EPHB1: variants seen among roughly 807,000 people sequenced by gnomAD.
EPHB1 encodes the protein EPH receptor B1.
EPHB1 carries 30 observed loss-of-function variants against 94.4 expected under a neutral mutation model. The ratio of observed to expected loss-of-function variants is 0.32; its 90% confidence interval spans 0.24 to 0.43. EPHB1 has a LOEUF of 0.43. Ranked by LOEUF, EPHB1 falls within the 20% of genes least tolerant of loss-of-function variation. The probability of loss-of-function intolerance (pLI) is 1.00; values close to 1 mark genes in which losing one functional copy is unlikely to be tolerated. For missense variants in EPHB1, 1,055 were observed against 1,308.3 expected, an observed-to-expected ratio of 0.81 and a Z score of 2.99; for synonymous variants, 522 against 489.1, an observed-to-expected ratio of 1.07 and a Z score of -0.89.
intron 3 of EPHB1, among the ~76,000 whole-genome samples, chr3:135,022,036 G>A (rs1004601889): frequency 5.3e-5 from 8 of 152,186 alleles, no homozygotes; most frequent in Non-Finnish European, 8.8e-5. Flanking sequence ...CTGGAGTGCA[G>A]TGGCACGATC....
chr3:135,246,143 G>T (rs780882011), intron 13 of EPHB1, among the ~76,000 whole-genome samples: 4 of 152,120 alleles, frequency 2.6e-5, no homozygotes, highest in Non-Finnish European at 5.9e-5. Context: ...GGACCACCAG[G>T]AACATTAACT....
intron 12 of EPHB1, among the ~76,000 whole-genome samples, chr3:135,233,879 GA>G (rs1943589832): frequency 6.6e-6 from 1 of 152,072 alleles, no homozygotes; most frequent in African/African-American, 2.4e-5. Flanking sequence ...GCTGTACCTT[GA>G]CCCCTTTTGG....
At chr3:135,249,254 G>GA (rs1559891309) in intron 14 of EPHB1, 82 bp from the exon 15 acceptor site, 3 of 1,476,432 alleles carry the variant, frequency 2.0e-6, no homozygotes. Flanking sequence ...TGCCTTCCAT[G>GA]AAGTCAGCTG....
intron 3 of EPHB1, among the ~76,000 whole-genome samples, chr3:135,050,646 ATGGGGCTGGATCCCTTTTGAATGGCT>A (rs926431908): frequency 6.6e-6 from 1 of 152,152 alleles, no homozygotes; most frequent in Admixed American, 6.5e-5. Context: ...TGTTTTCGTC[ATGGGGCTGGATCCCTTTTGAATGGCT>A]TGGTGCTGTC....
At chr3:135,094,476 C>T (rs75593022) in intron 3 of EPHB1, among the ~76,000 whole-genome samples, 2 of 152,154 alleles carry the variant, frequency 1.3e-5, no homozygotes, top group Admixed American at 6.5e-5. Context: ...ACAGGAGGGG[C>T]CTGTCGGCTG....
rs372945774 is a variant in EPHB1 at position 134,991,739 on chromosome 3, T to C, written c.805+39687T>C. ...TTCTTTCAACTTGAGGCCTTTCCAA[T>C]ATTGATCCCTCTGCCTGGATTGCAC... On this transcript the variant is annotated intron_variant, in intron 3 of 15. Transcript: ENST00000398015. Among the ~76,000 whole-genome samples the C allele has an allele frequency of 3.9e-5, 6 of 152,238 alleles. No homozygotes were observed. The East Asian group carries it at 1.2e-3, about 29-fold the overall frequency.
At chr3:134,922,025 C>T (rs918360758) in intron 1 of EPHB1, among the ~76,000 whole-genome samples, 1 of 152,210 alleles carries the variant, frequency 6.6e-6, no homozygotes, top group Non-Finnish European at 1.5e-5. Context: ...CGGCGATCTC[C>T]CCTTGGGCAC....
At position 135,170,727 on chromosome 3, in the gene EPHB1, C is replaced by T. The variant is rs77609730; in HGVS notation, c.1759+3721C>T. Among the ~76,000 whole-genome samples, 23 of 152,120 alleles carry T rather than the reference C, an allele frequency of 1.5e-4. No homozygotes were observed. In the East Asian group the frequency reaches 1.5e-3, roughly 10 times the overall value. On this transcript the variant is annotated intron_variant, in intron 9 of 15. Coordinates refer to ENST00000398015, the MANE Select transcript of EPHB1 (RefSeq NM_004441.5). ...TCCAGTTGATTCTACATTTGGGAAA[C>T]GTAGAATCTAAAAGGTGTTTACAAA...
chr3:134,925,941 T>G, intron 2 of EPHB1, 61 bp downstream of exon 2: 3 of 1,420,240 alleles, frequency 2.1e-6, no homozygotes, highest in Non-Finnish European at 2.9e-6. Flanking sequence ...ATATGATATC[T>G]AGGGGAGTAG....
rs1004387864 is a variant in EPHB1, at chr3:135,260,063, C to T, written c.*943C>T. On this transcript the variant is annotated 3_prime_UTR_variant, in exon 16 of 16. Coordinates refer to ENST00000398015, the MANE Select transcript of EPHB1 (RefSeq NM_004441.5). ...AAATGAAAGGAAAAAAAAAAGTTTG[C>T]AAATTCAGACAGGAAACAGGTGAGT... 8.2e-5 allele frequency: 19 copies of T among 232,586 alleles called. No homozygotes were observed. The highest frequency in any genetic ancestry group is 3.5e-4 in the African/African-American group (16 of 45,238). 14.4% of individuals were successfully genotyped at this position (232,586 alleles called of 1,614,324 possible). A position where few individuals can be genotyped will look rare whatever the true frequency, so the allele number is the denominator to read the frequency against.
At chr3:135,050,927 T>TCA (rs1937151865) in intron 3 of EPHB1, among the ~76,000 whole-genome samples, 1 of 152,016 alleles carries the variant, frequency 6.6e-6, no homozygotes, top group African/African-American at 2.4e-5. Context: ...TGTGTGTGTG[T>TCA]GTGTGTGTGT....
At chr3:135,182,271 C>T (rs967804301) in intron 10 of EPHB1, among the ~76,000 whole-genome samples, 1 of 152,138 alleles carries the variant, frequency 6.6e-6, no homozygotes, top group African/African-American at 2.4e-5. Context: ...ATGTAACTGG[C>T]AATGTTTCTC....
intron 1 of EPHB1, among the ~76,000 whole-genome samples, chr3:134,901,041 G>A (rs2038190611): frequency 1.3e-5 from 2 of 152,076 alleles, no homozygotes; most frequent in African/African-American, 4.8e-5. Context: ...TGGGGCTTGG[G>A]ATGTGGAACT....
chr3:135,201,454 C>A lies in EPHB1; in HGVS notation c.2131-20C>A. 1.2e-6 allele frequency: 2 copies of A among 1,612,710 alleles called. No individual in the cohort carries two copies. Among genetic ancestry groups the A allele is most frequent in the Non-Finnish European group, 1.7e-6 (2 of 1,178,936 alleles). On this transcript the variant is annotated intron_variant, in intron 11 of 15. Transcript: ENST00000398015. ...ATTGAAGCCCGTCTTGATCCCAATGCCCTCTATGTCTTATTACAGCAAAAT... is the reference window on the plus strand; with the variant it reads ...ATTGAAGCCCGTCTTGATCCCAATGACCTCTATGTCTTATTACAGCAAAAT...
rs1287017113 is a variant in EPHB1 at position 135,252,193 on chromosome 3, TTTTA to T, written c.2846+2706_2846+2709del. 1.6e-4 allele frequency among the ~76,000 whole-genome samples: 24 copies of T among 151,368 alleles called. No individual in the cohort carries two copies. The Admixed American group carries it at 1.6e-3, about 10-fold the overall frequency. ...TGTCCATAGCTTAATTTTATTTTAT[TTTTA>T]TTTTTTAATATTTTTTATTTATTTT... is the stretch of plus-strand genomic sequence containing the variant. On this transcript the variant is annotated intron_variant, in intron 15 of 15. Transcript: ENST00000398015.
At chr3:135,078,274 C>A (rs1435934235) in intron 3 of EPHB1, among the ~76,000 whole-genome samples, 1 of 152,168 alleles carries the variant, frequency 6.6e-6, no homozygotes, top group African/African-American at 2.4e-5. Context: ...CTGATATCTC[C>A]TCCCTCAGAA....
At chr3:135,088,544 G>A (rs1038466842) in intron 3 of EPHB1, among the ~76,000 whole-genome samples, 16 of 152,170 alleles carry the variant, frequency 1.1e-4, no homozygotes, top group Non-Finnish European at 1.5e-5. Flanking sequence ...TGGAAACCCA[G>A]GTGCATTCTA....
intron 1 of EPHB1, among the ~76,000 whole-genome samples, chr3:134,902,510 A>G (rs183223554): frequency 5.3e-5 from 8 of 152,360 alleles, no homozygotes. Flanking sequence ...ATATGCAATA[A>G]AAGGAAATTA....
intron 1 of EPHB1, among the ~76,000 whole-genome samples, chr3:134,896,507 C>T (rs753053905): frequency 4.6e-5 from 7 of 152,224 alleles, no homozygotes; most frequent in Non-Finnish European, 8.8e-5. Flanking sequence ...ATTATTCAGA[C>T]AGTGATTATT....
Sources: allele counts gnomAD v4.1 joint callset (sites outside exome capture counted in the v4.1 genomes callset), GRCh38; gene constraint gnomAD v4.1.1; transcripts MANE v1.5; gene names NCBI Gene and HGNC (gene_info 2026-07-23, HGNC 2026-07-21).